Variants in DLGAP2 observed in about 807,000 individuals in gnomAD.
The protein encoded by DLGAP2 is DLG associated protein 2, also known as disks large-associated protein 2.
A neutral mutation model predicts 100.3 loss-of-function variants in DLGAP2; 26 were observed. The observed-to-expected ratio is 0.26, with a 90% CI of 0.19 to 0.36. The LOEUF is 0.36. Ranked by LOEUF, DLGAP2 falls within the 10% of genes least tolerant of loss-of-function variation. The pLI is 1.00. For missense variants in DLGAP2, 1,858 were observed against 1,453.2 expected, an observed-to-expected ratio of 1.28 and a Z score of -4.53; for synonymous variants, 886 against 630.1, an observed-to-expected ratio of 1.41 and a Z score of -6.08.
chr8:880,686 A>G (rs959429511), intron 1 of DLGAP2, among the ~76,000 whole-genome samples: 1 of 151,846 alleles, frequency 6.6e-6, no homozygotes. Flanking sequence ...GTGACCGTCC[A>G]GTGTGTGTCC....
rs568630399 is a variant in DLGAP2 at position 1,683,739 on chromosome 8, G to A, written c.2704+5110G>A. On this transcript the variant is annotated intron_variant, in intron 12 of 14. Coordinates refer to ENST00000637795, the MANE Select transcript of DLGAP2 (RefSeq NM_001346810.2). The stretch of plus-strand genomic sequence containing the variant: ...ATCTAGACTCCCAGAGAATCACCTC[G>A]CCATCCTCAGTTATGGAGGCTGGGA... Among the ~76,000 whole-genome samples the A allele has an allele frequency of 2.0e-4, 29 of 145,984 alleles. 1 individual carries two copies. The highest frequency in any genetic ancestry group is 4.4e-4 in the South Asian group (2 of 4,534).
At chr8:1,076,919 AGAG>A (rs1406622103) in intron 2 of DLGAP2, among the ~76,000 whole-genome samples, 2 of 123,952 alleles carry the variant, frequency 1.6e-5, no homozygotes, top group African/African-American at 3.1e-5. Context: ...CCCAAGACCA[AGAG>A]GAGGAGGAGG....
chr8:1,333,978 G>A (rs149608134), intron 3 of DLGAP2, among the ~76,000 whole-genome samples: 7 of 152,376 alleles, frequency 4.6e-5, no homozygotes, highest in Non-Finnish European at 7.3e-5. Context: ...CGAGAGCCAC[G>A]TGCTCCGCAA....
At chr8:915,199 ATGGTGCTG>A (rs1489577949) in intron 2 of DLGAP2, among the ~76,000 whole-genome samples, 4 of 152,152 alleles carry the variant, frequency 2.6e-5, no homozygotes, top group Non-Finnish European at 5.9e-5. Flanking sequence ...ATCTGTGTGG[ATGGTGCTG>A]TGGTGCTGTG....
At chr8:1,416,571 G>T (rs1330381694) in intron 3 of DLGAP2, among the ~76,000 whole-genome samples, 1 of 152,072 alleles carries the variant, frequency 6.6e-6, no homozygotes, top group Non-Finnish European at 1.5e-5. Flanking sequence ...CTGCCTCCAC[G>T]GCCGCCCCTT....
intron 3 of DLGAP2, among the ~76,000 whole-genome samples, chr8:1,363,441 C>T (rs1388318281): frequency 6.6e-6 from 1 of 152,210 alleles, no homozygotes; most frequent in African/African-American, 2.4e-5. Context: ...CACCTGTAAG[C>T]CCTCCGTCCC....
At chr8:1,654,780 C>T (rs1392965349) in intron 8 of DLGAP2, among the ~76,000 whole-genome samples, 1 of 152,022 alleles carries the variant, frequency 6.6e-6, no homozygotes, top group Admixed American at 6.5e-5. Context: ...GATGTCAAAT[C>T]ATCCTAAAAG....
chr8:1,024,740 C>G (rs1183350317), intron 2 of DLGAP2, among the ~76,000 whole-genome samples: 1 of 152,198 alleles, frequency 6.6e-6, no homozygotes, highest in Admixed American at 6.5e-5. Flanking sequence ...GGGTCACGGT[C>G]ACGTAGGGTC....
chr8:1,494,986 T>C (rs977968867), intron 3 of DLGAP2, among the ~76,000 whole-genome samples: 6 of 152,222 alleles, frequency 3.9e-5, no homozygotes, highest in African/African-American at 1.2e-4. Flanking sequence ...TCCCGAGATA[T>C]GCCTGTTGGC....
At chr8:1,409,837 G>A (rs1377511888) in intron 3 of DLGAP2, among the ~76,000 whole-genome samples, 2 of 152,184 alleles carry the variant, frequency 1.3e-5, no homozygotes, top group African/African-American at 4.8e-5. Context: ...AGGCTCTGAG[G>A]CTTTCACCAG....
At chr8:839,167 C>T (rs1199580466) in intron 1 of DLGAP2, among the ~76,000 whole-genome samples, 1 of 152,108 alleles carries the variant, frequency 6.6e-6, no homozygotes, top group Non-Finnish European at 1.5e-5. Flanking sequence ...ATTATGAAAA[C>T]AGTATGCAGG....
chr8:1,632,754 T>C, intron 7 of DLGAP2, 73 bp from the exon 8 acceptor site: 3 of 1,457,834 alleles, frequency 2.1e-6, no homozygotes, highest in Non-Finnish European at 2.8e-6. Context: ...ATGAGCGCGC[T>C]CTCCTGGCTT....
chr8:1,696,281 G>C (rs1233711970), intron 13 of DLGAP2, among the ~76,000 whole-genome samples: 3 of 152,194 alleles, frequency 2.0e-5, no homozygotes, highest in Non-Finnish European at 2.9e-5. Flanking sequence ...CAAGAGGGTT[G>C]CTTGAGCCCA....
At chr8:1,573,299 G>T (rs1322639059) in intron 6 of DLGAP2, among the ~76,000 whole-genome samples, 2 of 133,758 alleles carry the variant, frequency 1.5e-5, no homozygotes, top group African/African-American at 5.8e-5. Flanking sequence ...TGATGAGATG[G>T]AGAGGAGAGA....
chr8:1,450,793 C>A (rs1019543045), intron 3 of DLGAP2, among the ~76,000 whole-genome samples: 6 of 151,982 alleles, frequency 3.9e-5, no homozygotes, highest in African/African-American at 1.5e-4. Flanking sequence ...GCCTGGGAGA[C>A]AGAAAAGTAC....
At chr8:1,614,470 C>A (rs529974036) in intron 6 of DLGAP2, among the ~76,000 whole-genome samples, 4 of 152,316 alleles carry the variant, frequency 2.6e-5, no homozygotes, top group South Asian at 2.1e-4. Flanking sequence ...TGGCCTCTGC[C>A]GCAGCTGCCA....
In DLGAP2 at chr8:1,356,155, T is replaced by C. The variant is rs1381921933; in HGVS notation, c.106+97272T>C. ...TCGTGTGGACCTCACAGCCCCTGCATGGCTCTTGCCCTGTGGTTGATGCTG... is the reference window on the plus strand; with the variant it reads ...TCGTGTGGACCTCACAGCCCCTGCACGGCTCTTGCCCTGTGGTTGATGCTG... On this transcript the variant is annotated intron_variant, in intron 3 of 14. Coordinates refer to ENST00000637795, the MANE Select transcript of DLGAP2 (RefSeq NM_001346810.2). Among the ~76,000 whole-genome samples the C allele has an allele frequency of 2.0e-5, 3 of 152,282 alleles. No homozygotes were observed. The East Asian group carries it at 5.8e-4, about 30-fold the overall frequency.
At chr8:1,360,873 G>A (rs1801968096) in intron 3 of DLGAP2, among the ~76,000 whole-genome samples, 2 of 152,314 alleles carry the variant, frequency 1.3e-5, no homozygotes, top group South Asian at 2.1e-4. Context: ...ACAGAGACCC[G>A]GGAATGCTCT....
intron 3 of DLGAP2, among the ~76,000 whole-genome samples, chr8:1,447,884 G>A (rs572538470): frequency 1.3e-5 from 2 of 152,288 alleles, no homozygotes; most frequent in South Asian, 2.1e-4. Context: ...AGAGGTGTTT[G>A]TAGTATTCTC....
Sources: gnomAD v4.1 joint callset for allele counts (sites outside exome capture counted in the v4.1 genomes callset) on GRCh38, gnomAD v4.1.1 for gene constraint, MANE v1.5 for transcripts, NCBI Gene and HGNC (gene_info 2026-07-23, HGNC 2026-07-21) for gene names.